COL12A1: variants seen among roughly 807,000 people sequenced by gnomAD.
COL12A1 encodes the protein collagen alpha-1(XII) chain.
Under a neutral mutation model 349.7 loss-of-function variants are expected in COL12A1, and 114 were observed. That is an observed-to-expected ratio of 0.33 (90% CI 0.28 to 0.38). The LOEUF is 0.38. COL12A1 is among the 10% of genes least tolerant of loss of function. COL12A1 has a pLI of 1.00. For synonymous variants in COL12A1, 1,369 were observed against 1,329.0 expected, an observed-to-expected ratio of 1.03 and a Z score of -0.66; for missense variants, 3,284 against 3,756.9, an observed-to-expected ratio of 0.87 and a Z score of 3.29.
At chr6:75,109,254 G>T in intron 51 of COL12A1, 87 bp from the exon 52 acceptor site, 1 of 947,968 alleles carries the variant, frequency 1.1e-6, no homozygotes, top group Non-Finnish European at 1.5e-6. Flanking sequence ...TTTTTTTGAA[G>T]TTTTTTAAGC....
At chr6:75,197,154 T>C (rs1770268801) in intron 2 of COL12A1, among the ~76,000 whole-genome samples, 1 of 152,196 alleles carries the variant, frequency 6.6e-6, no homozygotes, top group Admixed American at 6.5e-5. Flanking sequence ...GATGTAAGTG[T>C]ATGACCCGTG....
Position 75,152,165 on chromosome 6 carries a change from T to C in COL12A1, c.3801A>G (p.Ala1267=), listed in dbSNP as rs770806561. Residue 1267 remains alanine, a synonymous_variant, in exon 19 of 66, where the codon GCA becomes GCG. Transcript: ENST00000322507. ...RDKKSLLQAV[A]NLPYKGGNTL... The stretch of plus-strand genomic sequence containing the variant: ...TATTGCCTCCTTTGTACGGCAAGTT[T>C]GCCACAGCTTGCAACAAGCTCTTCT... 5.6e-6 allele frequency: 9 copies of C among 1,613,890 alleles called. No individual in the cohort carries two copies. The highest frequency in any genetic ancestry group is 1.7e-4 in the Middle Eastern group (1 of 6,058).
rs769858638 is a variant in COL12A1, at chr6:75,090,125, G to A, written c.8926C>T (p.Pro2976Ser). ...GFPGTPGMQG[P>S]PGERGLPGEK... ...AAATGCCTACCTCGTTCCCCAGGGG[G>A]TCCCTGCATCCCTGGTGTGCCCGGG... Residue 2976 changes from proline (P) to serine (S), a missense_variant, in exon 63 of 66, where the codon CCC becomes TCC. This residue lies in a region of COL12A1 where 683 missense variants were observed against 932.1 expected (regional missense o/e 0.73). Coordinates refer to ENST00000322507, the MANE Select transcript of COL12A1 (RefSeq NM_004370.6). The surrounding 1 kb of genome is among the most constrained non-coding windows in gnomAD (Gnocchi z 4.1). The A allele has an allele frequency of 3.1e-6, 5 of 1,613,256 alleles. No homozygotes were observed. The highest frequency in any genetic ancestry group is 4.2e-6 in the Non-Finnish European group (5 of 1,179,898).
chr6:75,123,372 G>C lies in COL12A1; in HGVS notation c.6904C>G (p.Pro2302Ala), dbSNP rs1765845384. 6.2e-7 allele frequency: 1 copy of C among 1,602,966 alleles called. No homozygotes were observed. Among genetic ancestry groups the C allele is most frequent in the South Asian group, 1.1e-5 (1 of 89,020 alleles). ...VKPTEAPTEP[P>A]TPPPPPTIPP... ...ATGGTGGGAGGGGGAGGAGGTGTGG[G>C]TGGCTCTGTAGGGGCTTCTGTTGGT... is the stretch of plus-strand genomic sequence containing the variant. Residue 2302 changes from proline to alanine, a missense_variant, in exon 43 of 66, where the codon CCC becomes GCC. Physicochemically the swap from Pro to Ala is conservative, Grantham distance 27. Coordinates refer to ENST00000322507, the MANE Select transcript of COL12A1 (RefSeq NM_004370.6).
Position 75,124,033 on chromosome 6 carries a change from A to G in COL12A1, c.6786T>C (p.Leu2262=), listed in dbSNP as rs751400516. ...GSETSHCFTG[L]SPDTDYGVTV... is the part of the protein sequence containing the mutation. ...TGACACCATAATCAGTGTCTGGTGA[A>G]AGGCCAGTGAAGCAGTGACTGGTTT... Residue 2262 remains leucine (L), a synonymous_variant, in exon 42 of 66, where the codon CTT becomes CTC. Transcript: ENST00000322507. 6.2e-7 allele frequency: 1 copy of G among 1,614,014 alleles called. No homozygotes were observed. Among genetic ancestry groups the G allele is most frequent in the South Asian group, 1.1e-5 (1 of 91,078 alleles).
chr6:75,158,623 T>G (rs1459403925), intron 14 of COL12A1, among the ~76,000 whole-genome samples: 2 of 152,196 alleles, frequency 1.3e-5, no homozygotes, highest in East Asian at 3.8e-4. Flanking sequence ...ACACTTATTA[T>G]AACTATATTT....
chr6:75,133,540 G>T, intron 33 of COL12A1, 118 bp from the exon 34 acceptor site: 2 of 1,061,562 alleles, frequency 1.9e-6, no homozygotes, highest in South Asian at 1.8e-5. Flanking sequence ...GTAATATTAG[G>T]ATGTCATAAT....
rs1303970961 is a variant in COL12A1 at position 75,183,358 on chromosome 6, T to C, written c.1583A>G (p.Glu528Gly). ...TCCCTTGCTAGGCACAAATATTTTCTCTCTGACATAAGTCATTGCTTTGCC... is the reference window on the plus strand; with the variant it reads ...TCCCTTGCTAGGCACAAATATTTTCCCTCTGACATAAGTCATTGCTTTGCC... Reference protein sequence around the residue: ...NTGKAMTYVREKIFVPSKGSR... With the variant: ...NTGKAMTYVRGKIFVPSKGSR... Residue 528 changes from glutamate (E) to glycine (G), a missense_variant, in exon 10 of 66, where the codon GAG becomes GGG. Around this residue, in one of 2 missense-constraint regions of COL12A1, gnomAD observed 2,601 missense variants for 2,824.8 expected, o/e 0.92. Transcript: ENST00000322507. The C allele has an allele frequency of 6.2e-7, 1 of 1,614,236 alleles. No individual in the cohort carries two copies. Among genetic ancestry groups the C allele is most frequent in the Non-Finnish European group, 8.5e-7 (1 of 1,180,042 alleles).
intron 39 of COL12A1, 79 bp from the exon 40 acceptor site, chr6:75,125,352 G>C (rs944979976): frequency 2.5e-5 from 34 of 1,359,846 alleles, no homozygotes; most frequent in Non-Finnish European, 3.3e-5. Flanking sequence ...AGATCTTATA[G>C]TCAAAGGGTA....
intron 24 of COL12A1, among the ~76,000 whole-genome samples, 178 bp downstream of exon 24, chr6:75,145,924 G>A (rs965630472): frequency 2.0e-5 from 3 of 152,188 alleles, no homozygotes; most frequent in Admixed American, 6.5e-5. Context: ...GTCAGTCACC[G>A]TGGGCAGTCC....
At chr6:75,146,958 T>A (rs927749010) in intron 23 of COL12A1, among the ~76,000 whole-genome samples, 2 of 152,226 alleles carry the variant, frequency 1.3e-5, no homozygotes, top group Non-Finnish European at 2.9e-5. Flanking sequence ...TGATGCGCAC[T>A]CCTTCTTCTT....
intron 32 of COL12A1, 87 bp downstream of exon 32, chr6:75,134,639 G>T (rs1228845347): frequency 1.6e-6 from 2 of 1,214,758 alleles, no homozygotes; most frequent in South Asian, 2.6e-5. Context: ...GTAAAACTTT[G>T]TGTCACCCCA....
In COL12A1 at chr6:75,085,522, T is replaced by C. The variant is rs1562079074; in HGVS notation, c.*1025A>G. The C allele has an allele frequency of 3.3e-6, 1 of 305,150 alleles. No individual in the cohort carries two copies. The highest frequency in any genetic ancestry group is 8.0e-5 in the East Asian group (1 of 12,564). 18.9% of individuals were successfully genotyped at this position (305,150 alleles called of 1,614,324 possible). A position where few individuals can be genotyped will look rare whatever the true frequency, so the allele number is the denominator to read the frequency against. On this transcript the variant is annotated 3_prime_UTR_variant, in exon 66 of 66. Transcript: ENST00000322507. ...AATGTCCCAATTATTTCCAGATAAT[T>C]TGGTGATAATCAAATAATGAAATGG...
At position 75,085,195 on chromosome 6, in the gene COL12A1, G is replaced by T. The variant is rs1304582843; in HGVS notation, c.*1352C>A. On this transcript the variant is annotated 3_prime_UTR_variant, in exon 66 of 66. Transcript: ENST00000322507. ...CGCGGCGCGTGATCTCTGGTTCACT[G>T]CCCGGGTCCGTGGGGCAGGGCGCGC... 1 of 466,670 alleles carries T rather than the reference G, an allele frequency of 2.1e-6. No homozygotes were observed. Among genetic ancestry groups the T allele is most frequent in the African/African-American group, 2.0e-5 (1 of 50,026 alleles). 28.9% of individuals were successfully genotyped at this position (466,670 alleles called of 1,614,324 possible).
chr6:75,189,735 T>A lies in COL12A1; in HGVS notation c.475A>T (p.Ile159Phe). 6.2e-7 allele frequency: 1 copy of A among 1,613,320 alleles called. No homozygotes were observed. The highest frequency in any genetic ancestry group is 1.1e-5 in the South Asian group (1 of 91,068). The part of the protein sequence containing the change: ...WSVGRNNFKY[I>F]LDFIAALVSA... ...ACAAGAGCAGCAATGAAGTCTAAAA[T>A]GTACTTGAAATTATTTCTTCCCACA... Residue 159 changes from isoleucine to phenylalanine, a missense_variant, in exon 6 of 66, where the codon ATT (isoleucine) becomes TTT (phenylalanine). Ile to Phe is a conservative substitution (Grantham distance 21). Around this residue, in one of 2 missense-constraint regions of COL12A1, gnomAD observed 2,601 missense variants for 2,824.8 expected, o/e 0.92. Coordinates refer to ENST00000322507, the MANE Select transcript of COL12A1 (RefSeq NM_004370.6).
At position 75,115,929 on chromosome 6, in the gene COL12A1, A is replaced by C; in HGVS notation, c.7559-7T>G. 6.2e-7 allele frequency: 1 copy of C among 1,612,250 alleles called. No homozygotes were observed. Among genetic ancestry groups the C allele is most frequent in the Admixed American group, 1.7e-5 (1 of 59,700 alleles). ...GCTTCAAGCATTTTAAAACCTTTAC[A>C]TCAGAAAAGAAAATATTAAACGGAG... On this transcript the variant is annotated splice_region_variant and splice_polypyrimidine_tract_variant and intron_variant, in intron 48 of 65. Coordinates refer to ENST00000322507, the MANE Select transcript of COL12A1 (RefSeq NM_004370.6).
rs1370588581 is a variant in COL12A1, at chr6:75,151,951, G to C, written c.3916C>G (p.Leu1306Val). The part of the protein sequence containing the change: ...MRPRARKIGV[L>V]ITDGKSQDDV... The stretch of plus-strand genomic sequence containing the variant: ...TCTTGTGATTTTCCATCAGTAATGA[G>C]CACACCAATTTTTCGAGCTCGAGGT... Residue 1306 changes from leucine (L) to valine (V), a missense_variant, in exon 20 of 66, where the codon CTC (leucine) becomes GTC (valine). Coordinates refer to ENST00000322507, the MANE Select transcript of COL12A1 (RefSeq NM_004370.6). 3.7e-6 allele frequency: 6 copies of C among 1,613,850 alleles called. No individual in the cohort carries two copies. The highest frequency in any genetic ancestry group is 5.1e-6 in the Non-Finnish European group (6 of 1,179,842).
Position 75,084,505 on chromosome 6 carries a change from C to A in COL12A1, c.*2042G>T, listed in dbSNP as rs1022443942. 2 of 152,614 alleles carry A rather than the reference C, an allele frequency of 1.3e-5. No individual in the cohort carries two copies. The highest frequency in any genetic ancestry group is 3.8e-4 in the East Asian group (2 of 5,200). 9.5% of individuals were successfully genotyped at this position (152,614 alleles called of 1,614,324 possible). A position where few individuals can be genotyped will look rare whatever the true frequency, so the allele number is the denominator to read the frequency against. Reference sequence around the variant, plus strand: ...GAAATATTATATTCTGAAAAAAGTTCATACTAAATATACAACACAAACATG... The same window carrying A: ...GAAATATTATATTCTGAAAAAAGTTAATACTAAATATACAACACAAACATG... On this transcript the variant is annotated 3_prime_UTR_variant, in exon 66 of 66. Coordinates refer to ENST00000322507, the MANE Select transcript of COL12A1 (RefSeq NM_004370.6).
chr6:75,148,991 C>T (rs1317252845), intron 21 of COL12A1, among the ~76,000 whole-genome samples: 1 of 152,094 alleles, frequency 6.6e-6, no homozygotes, highest in South Asian at 2.1e-4. Context: ...TTTCACTTGG[C>T]TCTCATTCTC....
Sources: gnomAD v4.1 joint callset for allele counts (sites outside exome capture counted in the v4.1 genomes callset) on GRCh38, gnomAD v4.1.1 for gene constraint, gnomAD v4.1.1 regional missense constraint, Gnocchi (gnomAD v3.1) non-coding constraint, MANE v1.5 for transcripts, NCBI Gene and HGNC (gene_info 2026-07-23, HGNC 2026-07-21) for gene names.